PSD3: variants seen among roughly 807,000 people sequenced by gnomAD.
PSD3 encodes PH and SEC7 domain-containing protein 3.
A neutral mutation model predicts 105.5 loss-of-function variants in PSD3; 49 were observed. The observed-to-expected ratio is 0.46, with a 90% CI of 0.37 to 0.59. The LOEUF is 0.59. PSD3 is among the 20% of genes least tolerant of loss of function. The pLI is 0.00. For missense variants in PSD3, 1,561 were observed against 1,263.8 expected, an observed-to-expected ratio of 1.24 and a Z score of -3.57; for synonymous variants, 557 against 457.8, an observed-to-expected ratio of 1.22 and a Z score of -2.77.
chr8:18,765,499 T>A lies in PSD3; in HGVS notation c.2122A>T (p.Asn708Tyr). The A allele has an allele frequency of 6.2e-7, 1 of 1,613,158 alleles. No individual in the cohort carries two copies. The highest frequency in any genetic ancestry group is 2.2e-5 in the East Asian group (1 of 44,870). Residue 708 changes from asparagine to tyrosine, a missense_variant, in exon 9 of 16, where the codon AAT becomes TAT. Coordinates refer to ENST00000327040, the MANE Select transcript of PSD3 (RefSeq NM_015310.4). ...ACACCCTCATTTACCCCTTGCAGAT[T>A]TGCAATGAACTCCTGACAGGTCATC... ...KKMTCQEFIANLQGVNEGVDF... is the reference protein window; with the variant it reads ...KKMTCQEFIAYLQGVNEGVDF...
intron 9 of PSD3, among the ~76,000 whole-genome samples, chr8:18,709,227 T>C (rs535559226): frequency 6.6e-6 from 1 of 152,310 alleles, no homozygotes; most frequent in African/African-American, 2.4e-5. Context: ...ACAGCGACTG[T>C]GGCAGATCAT....
chr8:18,830,410 T>C (rs1289235898), intron 4 of PSD3, among the ~76,000 whole-genome samples: 2 of 152,204 alleles, frequency 1.3e-5, no homozygotes, highest in African/African-American at 4.8e-5. Flanking sequence ...TAAACCAGAC[T>C]CATTGTGGGT....
intron 14 of PSD3, among the ~76,000 whole-genome samples, chr8:18,561,477 C>T (rs928745679): frequency 6.6e-6 from 1 of 151,956 alleles, no homozygotes; most frequent in Non-Finnish European, 1.5e-5. Flanking sequence ...GGGCAAGGGA[C>T]TGGGGACATG....
rs146030564 is a variant in PSD3, at chr8:19,047,129, A to G, written c.324+37077T>C. Among the ~76,000 whole-genome samples the G allele has an allele frequency of 1.5e-3, 225 of 152,306 alleles. 2 individuals carry two copies. Among genetic ancestry groups the G allele is most frequent in the Admixed American group, 0.012 (191 of 15,286 alleles). ...CAGGGACATAAATCTCTTTGCAGGA[A>G]GCAGAAACTAAACTAGGTGCTTAAG... On this transcript the variant is annotated intron_variant, in intron 1 of 1. Coordinates refer to the PSD3 transcript ENST00000521475.
intron 9 of PSD3, among the ~76,000 whole-genome samples, chr8:18,661,296 C>G (rs1809329422): frequency 6.6e-6 from 1 of 152,126 alleles, no homozygotes; most frequent in Admixed American, 6.5e-5. Context: ...ATGACACCAT[C>G]CGTACCACAA....
At position 18,621,075 on chromosome 8, in the gene PSD3, A is replaced by G. The variant is rs138903253; in HGVS notation, c.2410+11538T>C. On this transcript the variant is annotated intron_variant, in intron 11 of 15. Coordinates refer to ENST00000327040, the MANE Select transcript of PSD3 (RefSeq NM_015310.4). ...TTCTGAACACAGATTTTTTGGTGCT[A>G]TAAGATTGGCAGTTTATATTCCATT... 3.6e-3 allele frequency among the ~76,000 whole-genome samples: 548 copies of G among 152,284 alleles called. 4 individuals carry two copies. Among genetic ancestry groups the G allele is most frequent in the South Asian group, 0.018 (89 of 4,828 alleles).
chr8:18,812,625 G>C (rs1480825365), intron 4 of PSD3, among the ~76,000 whole-genome samples: 1 of 152,104 alleles, frequency 6.6e-6, no homozygotes, highest in African/African-American at 2.4e-5. Context: ...CAACTTCAAG[G>C]GTGGGGTTAC....
intron 1 of PSD3, among the ~76,000 whole-genome samples, chr8:19,039,791 C>T (rs950534948): frequency 1.3e-5 from 2 of 152,162 alleles, no homozygotes; most frequent in Non-Finnish European, 2.9e-5. Flanking sequence ...GAATACCCTA[C>T]TATGCAACAA....
intron 7 of PSD3, among the ~76,000 whole-genome samples, chr8:18,800,013 G>C (rs540213676): frequency 2.0e-5 from 3 of 152,132 alleles, no homozygotes; most frequent in South Asian, 2.1e-4. Flanking sequence ...TCTGTTATCA[G>C]TGTCTCTAAA....
intron 9 of PSD3, chr8:18,733,886 A>G (rs1361920594): frequency 1.3e-5 from 2 of 152,624 alleles, no homozygotes; most frequent in African/African-American, 2.4e-5. Context: ...AAAATGAAAA[A>G]AAGAAAAAGA....
chr8:18,761,571 G>T (rs1195775581), intron 9 of PSD3, among the ~76,000 whole-genome samples: 1 of 152,160 alleles, frequency 6.6e-6, no homozygotes, highest in Non-Finnish European at 1.5e-5. Context: ...AGTCAGTACA[G>T]TTCTCAAATC....
At chr8:18,943,839 A>G (rs1037261631) in intron 1 of PSD3, among the ~76,000 whole-genome samples, 3 of 152,124 alleles carry the variant, frequency 2.0e-5, no homozygotes, top group African/African-American at 7.2e-5. Context: ...TAAGATGCTT[A>G]GATTTCTTCA....
intron 11 of PSD3, among the ~76,000 whole-genome samples, 160 bp from the exon 12 acceptor site, chr8:18,600,594 G>A (rs1482703492): frequency 1.3e-5 from 2 of 152,084 alleles, no homozygotes; most frequent in African/African-American, 2.4e-5. Context: ...TGTACCAGGC[G>A]GCATTCTAAA....
chr8:18,560,267 G>C (rs1801320875), intron 14 of PSD3, among the ~76,000 whole-genome samples: 1 of 151,862 alleles, frequency 6.6e-6, no homozygotes, highest in Non-Finnish European at 1.5e-5. Flanking sequence ...AACAACGGGA[G>C]AGAGGCTGCA....
intron 9 of PSD3, among the ~76,000 whole-genome samples, chr8:18,676,880 C>T (rs957942709): frequency 1.3e-5 from 2 of 152,234 alleles, no homozygotes; most frequent in African/African-American, 4.8e-5. Context: ...ATTTGAAAGC[C>T]TCATCTGGGA....
intron 1 of PSD3, among the ~76,000 whole-genome samples, chr8:19,027,953 G>C (rs1385944521): frequency 6.6e-6 from 1 of 152,166 alleles, no homozygotes; most frequent in Non-Finnish European, 1.5e-5. Flanking sequence ...ATACCCTGGA[G>C]TGATATTACT....
chr8:18,816,021 C>A (rs989935352), intron 4 of PSD3, among the ~76,000 whole-genome samples: 1 of 152,204 alleles, frequency 6.6e-6, no homozygotes, highest in Non-Finnish European at 1.5e-5. Flanking sequence ...AATCCTATCT[C>A]TGTCACTTCC....
At chr8:19,061,506 A>T (rs1056658712) in intron 1 of PSD3, among the ~76,000 whole-genome samples, 6 of 146,910 alleles carry the variant, frequency 4.1e-5, no homozygotes, top group African/African-American at 1.2e-4. Context: ...TCATGCATTT[A>T]AAAAAAAAAA....
chr8:18,584,583 A>G (rs1161070886), intron 12 of PSD3, among the ~76,000 whole-genome samples: 2 of 152,230 alleles, frequency 1.3e-5, no homozygotes, highest in Admixed American at 6.5e-5. Flanking sequence ...AACCTATTAT[A>G]CTAACAAACC....
Sources: gnomAD v4.1 joint callset for allele counts (sites outside exome capture counted in the v4.1 genomes callset) on GRCh38, gnomAD v4.1.1 for gene constraint, MANE v1.5 for transcripts, NCBI Gene and HGNC (gene_info 2026-07-23, HGNC 2026-07-21) for gene names.